Variants in OTUB2 observed in about 807,000 individuals in gnomAD.
OTUB2 encodes the protein ubiquitin thioesterase OTUB2.
Under a neutral mutation model 25.1 loss-of-function variants are expected in OTUB2, and 21 were observed. The observed-to-expected ratio is 0.84, with a 90% confidence interval of 0.59 to 1.21. The LOEUF is 1.21. Ranked by LOEUF, OTUB2 falls within the 50% of genes most tolerant of loss-of-function variation. The pLI, the probability that OTUB2 is intolerant of heterozygous loss-of-function variation, is 0.00. For synonymous variants in OTUB2, 122 were observed against 122.8 expected (o/e 0.99, Z 0.04); for missense variants, 283 against 298.0 (o/e 0.95, Z 0.37).
chr14:94,032,295 C>T (rs755791220), intron 1 of OTUB2, among the ~76,000 whole-genome samples: 5 of 152,012 alleles, frequency 3.3e-5, no homozygotes, highest in African/African-American at 9.7e-5. Flanking sequence ...GCAGGGGTAG[C>T]TCTTAAATAG....
Position 94,045,791 on chromosome 14 carries a change from C to A in OTUB2, c.574C>A (p.Gln192Lys). ...ALSQALSIAL[Q>K]VEYVDEMDTA... ...GTCGCAGGCCCTGAGCATTGCCCTG[C>A]AAGTGGAGTACGTGGACGAGATGGA... The change falls in exon 6 of 6, where the codon CAA becomes AAA. Residue 192 changes from glutamine to lysine, a missense_variant. By Grantham distance (53) the Gln-to-Lys change is moderately conservative. Transcript: ENST00000203664. 1 of 1,614,234 alleles carries A rather than the reference C, an allele frequency of 6.2e-7. No individual in the cohort carries two copies.
Position 94,045,829 on chromosome 14 carries a change from CCACCA to C in OTUB2, c.614_618del (p.His205ArgfsTer4). On this transcript the variant is annotated frameshift_variant, in exon 6 of 6. Transcript: ENST00000203664. LOFTEE classifies it high-confidence loss of function. ...TGGACGAGATGGATACCGCCCTGAA[CCACCA>C]CGTGTTCCCTGAGGCCGCCACCCCT... 1 of 1,614,236 alleles carries C rather than the reference CCACCA, an allele frequency of 6.2e-7. No homozygotes were observed. Among genetic ancestry groups the C allele is most frequent in the Non-Finnish European group, 8.5e-7 (1 of 1,180,046 alleles).
At chr14:94,031,948 T>C (rs1884970227) in intron 1 of OTUB2, among the ~76,000 whole-genome samples, 1 of 152,184 alleles carries the variant, frequency 6.6e-6, no homozygotes, top group Non-Finnish European at 1.5e-5. Flanking sequence ...AGCCATGGTT[T>C]TAAAAGCAAT....
In OTUB2 at chr14:94,039,066, G is replaced by A; in HGVS notation, c.203G>A (p.Ser68Asn). The A allele has an allele frequency of 6.2e-7, 1 of 1,614,014 alleles. No individual in the cohort carries two copies. The highest frequency in any genetic ancestry group is 8.5e-7 in the Non-Finnish European group (1 of 1,179,906). The change falls in exon 3 of 6, where the codon AGC becomes AAC. Residue 68 changes from serine to asparagine, a missense_variant. Ser to Asn is a conservative substitution (Grantham distance 46). Coordinates refer to ENST00000203664, the MANE Select transcript of OTUB2 (RefSeq NM_023112.4). ...YSYLESLLGK[S>N]REIFKFKERV... ...TACCTGGAGTCCCTGCTGGGGAAGA[G>A]CAGGGAGATCTTCAAGTGAGTGCCG... is the stretch of plus-strand genomic sequence containing the variant.
intron 3 of OTUB2, among the ~76,000 whole-genome samples, chr14:94,041,880 T>C (rs1202929356): frequency 6.6e-6 from 1 of 152,206 alleles, no homozygotes; most frequent in Non-Finnish European, 1.5e-5. Flanking sequence ...ACAGTGGCCA[T>C]AGCCCTGTCA....
In OTUB2 at chr14:94,045,817, T is replaced by C. The variant is rs774144695; in HGVS notation, c.600T>C (p.Asp200=). 6.2e-7 allele frequency: 1 copy of C among 1,614,216 alleles called. No homozygotes were observed. Among genetic ancestry groups the C allele is most frequent in the South Asian group, 1.1e-5 (1 of 91,082 alleles). ...ALQVEYVDEM[D]TALNHHVFPE... is the part of the protein sequence containing the mutation. ...AAGTGGAGTACGTGGACGAGATGGA[T>C]ACCGCCCTGAACCACCACGTGTTCC... Residue 200 remains aspartate (D), a synonymous_variant, in exon 6 of 6, where the codon GAT becomes GAC. Coordinates refer to ENST00000203664, the MANE Select transcript of OTUB2 (RefSeq NM_023112.4).
Position 94,038,192 on chromosome 14 carries a change from C to T in OTUB2, c.99+717C>T, listed in dbSNP as rs377711231. ...GATAGGTCCAGCTTGGGTCAGATGT[C>T]CATCAGCAGCCAGGGGTAGTGGTGT... On this transcript the variant is annotated intron_variant, in intron 2 of 5. Transcript: ENST00000203664. 4.0e-3 allele frequency among the ~76,000 whole-genome samples: 612 copies of T among 152,380 alleles called. 3 individuals are homozygous for T. The highest frequency in any genetic ancestry group is 6.6e-3 in the Non-Finnish European group (447 of 68,032).
chr14:94,031,343 C>T (rs1884957436), intron 1 of OTUB2, among the ~76,000 whole-genome samples: 1 of 152,162 alleles, frequency 6.6e-6, no homozygotes, highest in South Asian at 2.1e-4. Context: ...TCCTTCCAGC[C>T]CCTGGAGCAG....
At chr14:94,042,632 C>T (rs931896316) in intron 3 of OTUB2, among the ~76,000 whole-genome samples, 10 of 152,178 alleles carry the variant, frequency 6.6e-5, no homozygotes, top group Non-Finnish European at 1.3e-4. Context: ...TTCTAGTACT[C>T]TGGCCATGGG....
intron 3 of OTUB2, among the ~76,000 whole-genome samples, chr14:94,040,232 A>G (rs1885134098): frequency 1.3e-5 from 2 of 152,252 alleles, no homozygotes; most frequent in Admixed American, 1.3e-4. Flanking sequence ...TGGCTGAACC[A>G]TTCAGATTGT....
At chr14:94,035,734 G>A (rs1885044196) in intron 1 of OTUB2, among the ~76,000 whole-genome samples, 1 of 152,202 alleles carries the variant, frequency 6.6e-6, no homozygotes, top group Non-Finnish European at 1.5e-5. Context: ...TCAAGGGAGA[G>A]CACAAGCCTG....
rs1885073015 is a variant in OTUB2 at position 94,037,288 on chromosome 14, C to T, written c.4-92C>T. The T allele has an allele frequency of 6.7e-5, 53 of 795,346 alleles. No individual in the cohort carries two copies. The South Asian group carries it at 8.4e-4, about 13-fold the overall frequency. The allele number at this position is 795,346 out of a possible 1,614,324, so 49.3% of individuals were successfully genotyped here. A position where few individuals can be genotyped will look rare whatever the true frequency, so the allele number is the denominator to read the frequency against. On this transcript the variant is annotated intron_variant, in intron 1 of 5. Transcript: ENST00000203664. ...GTGGGAAGGTCTCATTCATTGTTGTCTGTAACCGGCAGTTCAGAGGCCACC... is the reference window on the plus strand; with the variant it reads ...GTGGGAAGGTCTCATTCATTGTTGTTTGTAACCGGCAGTTCAGAGGCCACC...
In OTUB2 at chr14:94,044,717, C is replaced by T. The variant is rs776040992; in HGVS notation, c.435C>T (p.Asn145=). Residue 145 remains asparagine (N), a synonymous_variant, in exon 5 of 6, where the codon AAC becomes AAT. Transcript: ENST00000203664. ...LRLLTSAFIR[N]RADFFRHFID... Reference sequence around the variant, plus strand: ...TGCTCACGTCGGCCTTCATCAGGAACCGAGCAGACTTCTTCCGGCACTTCA... The same window carrying T: ...TGCTCACGTCGGCCTTCATCAGGAATCGAGCAGACTTCTTCCGGCACTTCA... The T allele has an allele frequency of 3.1e-6, 5 of 1,613,914 alleles. No homozygotes were observed. Among genetic ancestry groups the T allele is most frequent in the East Asian group, 2.2e-5 (1 of 44,900 alleles).
chr14:94,033,311 A>ACTTTCCTGGCATAGGTGCCACCCC (rs1567051592), intron 1 of OTUB2, among the ~76,000 whole-genome samples: 1 of 152,220 alleles, frequency 6.6e-6, no homozygotes, highest in Non-Finnish European at 1.5e-5. Flanking sequence ...ACCTAACTTG[A>ACTTTCCTGGCATAGGTGCCACCCC]CTTTCCTGGC....
In OTUB2 at chr14:94,044,031, C is replaced by T; in HGVS notation, c.279C>T (p.His93=). Residue 93 remains histidine (H), a synonymous_variant, in exon 4 of 6, where the codon CAC becomes CAT. Transcript: ENST00000203664. ...TTCTGGCTGCTGGCTTTGAGGAGCA[C>T]AAGTTCAGAAACTTCTTCAATGCTG... ...NDLLAAGFEE[H]KFRNFFNAFY... 1.9e-6 allele frequency: 3 copies of T among 1,614,228 alleles called. No individual in the cohort carries two copies. The highest frequency in any genetic ancestry group is 2.5e-6 in the Non-Finnish European group (3 of 1,180,024).
At chr14:94,045,181 G>A (rs1885246538) in intron 5 of OTUB2, among the ~76,000 whole-genome samples, 3 of 152,128 alleles carry the variant, frequency 2.0e-5, no homozygotes, top group Admixed American at 2.0e-4. Context: ...CAGCCCCCAG[G>A]TCCTTGCTCT....
At chr14:94,044,141 GCTC>G (rs1280068325) in intron 4 of OTUB2, 86 bp downstream of exon 4, 33 of 1,312,494 alleles carry the variant, frequency 2.5e-5, no homozygotes, top group Non-Finnish European at 3.4e-5. Flanking sequence ...CCACAGCTCT[GCTC>G]CTCCTGGCTG....
chr14:94,037,321 G>A lies in OTUB2; in HGVS notation c.4-59G>A, dbSNP rs553508339. The A allele has an allele frequency of 2.1e-5, 27 of 1,264,000 alleles. No homozygotes were observed. The African/African-American group carries it at 3.3e-4, about 15-fold the overall frequency. The allele number at this position is 1,264,000 out of a possible 1,614,324, so 78.3% of individuals were successfully genotyped here. A position where few individuals can be genotyped will look rare whatever the true frequency, so the allele number is the denominator to read the frequency against. On this transcript the variant is annotated intron_variant, in intron 1 of 5. Transcript: ENST00000203664. The stretch of plus-strand genomic sequence containing the variant: ...GGCAGTTCAGAGGCCACCAGCTCGG[G>A]GAGTCCCGTCCGTTGCTTTTGAAAT...
chr14:94,035,208 C>A (rs1885028781), intron 1 of OTUB2, among the ~76,000 whole-genome samples: 1 of 152,078 alleles, frequency 6.6e-6, no homozygotes, highest in African/African-American at 2.4e-5. Context: ...TTCTTCCCAC[C>A]CCCCAAGTGT....
Sources: allele counts gnomAD v4.1 joint callset (sites outside exome capture counted in the v4.1 genomes callset), GRCh38; gene constraint gnomAD v4.1.1; transcripts MANE v1.5; gene names NCBI Gene and HGNC (gene_info 2026-07-23, HGNC 2026-07-21).